DYM: variants seen among roughly 807,000 people sequenced by gnomAD.
DYM encodes dyggve-Melchior-Clausen syndrome protein.
Under a neutral mutation model 93.1 loss-of-function variants are expected in DYM, and 78 were observed. The ratio of observed to expected loss-of-function variants is 0.84; its 90% confidence interval spans 0.70 to 1.01. The LOEUF is 1.01. Ranked by LOEUF, DYM falls within the 50% of genes least tolerant of loss-of-function variation. DYM has a pLI of 0.00. For missense variants in DYM, 789 were observed against 845.0 expected (o/e 0.93, Z 0.82); for synonymous variants, 321 against 319.7 (o/e 1.00, Z -0.04).
In DYM at chr18:49,228,465, G is replaced by T. The variant is rs569513048; in HGVS notation, c.1461-18750C>A. Among the ~76,000 whole-genome samples the T allele has an allele frequency of 3.4e-4, 51 of 152,200 alleles. 1 individual carries two copies. Among genetic ancestry groups the T allele is most frequent in the African/African-American group, 1.2e-3 (50 of 41,538 alleles). On this transcript the variant is annotated intron_variant, in intron 13 of 17. Transcript: ENST00000675505. The stretch of plus-strand genomic sequence containing the variant: ...CCACAATTTGGACATTTTGCAGACG[G>T]AAGTGAGAAAAATTCAATCATTATA...
At chr18:49,302,879 G>C (rs1287650347) in intron 8 of DYM, among the ~76,000 whole-genome samples, 3 of 152,150 alleles carry the variant, frequency 2.0e-5, no homozygotes, top group Admixed American at 6.5e-5. Context: ...ACCATAAAGG[G>C]AGCCCCTCAT....
At chr18:49,151,824 G>A (rs2085848031) in intron 15 of DYM, among the ~76,000 whole-genome samples, 1 of 152,102 alleles carries the variant, frequency 6.6e-6, no homozygotes, top group South Asian at 2.1e-4. Flanking sequence ...ACAGGCAGAA[G>A]GGGAGAAACA....
intron 14 of DYM, among the ~76,000 whole-genome samples, chr18:49,194,848 A>G (rs2091300080): frequency 6.6e-6 from 1 of 152,168 alleles, no homozygotes; most frequent in Non-Finnish European, 1.5e-5. Context: ...ATATACACAA[A>G]TATGTATTTT....
At chr18:49,120,732 A>C (rs910140210) in intron 15 of DYM, among the ~76,000 whole-genome samples, 2 of 152,210 alleles carry the variant, frequency 1.3e-5, no homozygotes, top group East Asian at 1.9e-4. Context: ...AATATTGACT[A>C]TCTGGCTCTT....
intron 8 of DYM, among the ~76,000 whole-genome samples, chr18:49,322,517 T>TA (rs1293779291): frequency 6.6e-6 from 1 of 151,934 alleles, no homozygotes; most frequent in African/African-American, 2.4e-5. Flanking sequence ...TAAAATAAAA[T>TA]AAATGTTACA....
intron 16 of DYM, among the ~76,000 whole-genome samples, chr18:49,118,255 C>T (rs1467508267): frequency 6.6e-6 from 1 of 151,874 alleles, no homozygotes; most frequent in Non-Finnish European, 1.5e-5. Flanking sequence ...TATCTTTTGA[C>T]AGTAAAAACT....
At chr18:49,126,098 TAATTC>T (rs1326171067) in intron 15 of DYM, 1 of 152,226 alleles carries the variant, frequency 6.6e-6, no homozygotes, top group Non-Finnish European at 1.5e-5. Context: ...TCCTTGCAAC[TAATTC>T]ATTTCCATTT....
chr18:49,100,141 T>A (rs1052703169), intron 16 of DYM, among the ~76,000 whole-genome samples: 1 of 149,250 alleles, frequency 6.7e-6, no homozygotes, highest in Non-Finnish European at 1.5e-5. Flanking sequence ...TGGAAGGTTG[T>A]AAAGGCCAAT....
chr18:49,221,850 T>C (rs1428456884), intron 13 of DYM, among the ~76,000 whole-genome samples: 2 of 152,032 alleles, frequency 1.3e-5, no homozygotes, highest in Non-Finnish European at 2.9e-5. Flanking sequence ...GGCACATGTA[T>C]ACATATGTAA....
chr18:49,367,288 G>C (rs2066612765), intron 5 of DYM, among the ~76,000 whole-genome samples: 1 of 152,146 alleles, frequency 6.6e-6, no homozygotes, highest in African/African-American at 2.4e-5. Context: ...CCTATCCCTG[G>C]AGTTTTCTCA....
chr18:49,170,025 C>A (rs2088456289), intron 14 of DYM, among the ~76,000 whole-genome samples: 2 of 151,742 alleles, frequency 1.3e-5, no homozygotes, highest in South Asian at 4.2e-4. Context: ...GATAAGGTGA[C>A]TGACATGCTA....
chr18:49,308,290 GTATATATA>G (rs3061689), intron 8 of DYM, among the ~76,000 whole-genome samples: 1 of 145,208 alleles, frequency 6.9e-6, no homozygotes, highest in Admixed American at 6.9e-5. Context: ...ACTTGTGTGT[GTATATATA>G]TATATATATA....
intron 2 of DYM, among the ~76,000 whole-genome samples, chr18:49,409,274 ACT>A (rs2071910123): frequency 6.9e-6 from 1 of 144,928 alleles, no homozygotes; most frequent in Admixed American, 7.0e-5. Flanking sequence ...ACAGAGTGAG[ACT>A]CTGTCTCAAA....
intron 6 of DYM, 100 bp from the exon 7 acceptor site, chr18:49,333,953 C>T (rs1039559595): frequency 7.8e-7 from 1 of 1,283,530 alleles, no homozygotes. Context: ...TCTAAATATT[C>T]AGTATTTTCA....
At chr18:49,430,163 A>T (rs2074673146) in intron 2 of DYM, 92 bp downstream of exon 2, 1 of 1,190,248 alleles carries the variant, frequency 8.4e-7, no homozygotes, top group Non-Finnish European at 1.2e-6. Context: ...AGATAGATAG[A>T]CAGAACATTT....
At chr18:49,345,876 A>G (rs2064548576) in intron 6 of DYM, among the ~76,000 whole-genome samples, 1 of 152,252 alleles carries the variant, frequency 6.6e-6, no homozygotes, top group Admixed American at 6.5e-5. Context: ...ATACAACCTG[A>G]GCAAAGGATA....
At chr18:49,341,286 C>T (rs916489695) in intron 6 of DYM, among the ~76,000 whole-genome samples, 15 of 152,018 alleles carry the variant, frequency 9.9e-5, no homozygotes, top group South Asian at 2.1e-4. Context: ...GTCAGGAGAT[C>T]GAGACCATCC....
intron 8 of DYM, among the ~76,000 whole-genome samples, chr18:49,290,403 C>T (rs1252010531): frequency 6.6e-6 from 1 of 151,842 alleles, no homozygotes; most frequent in East Asian, 1.9e-4. Flanking sequence ...ATACATCACA[C>T]TGCAAACAGA....
At chr18:49,199,790 G>A (rs1238180273) in intron 14 of DYM, among the ~76,000 whole-genome samples, 1 of 152,158 alleles carries the variant, frequency 6.6e-6, no homozygotes, top group Non-Finnish European at 1.5e-5. Context: ...TTAGAGCTTT[G>A]TCTTAGATTT....
Sources: allele counts gnomAD v4.1 joint callset (sites outside exome capture counted in the v4.1 genomes callset), GRCh38; gene constraint gnomAD v4.1.1; transcripts MANE v1.5; gene names NCBI Gene and HGNC (gene_info 2026-07-23, HGNC 2026-07-21).